The following USP7 variants were observed in gnomAD, a reference collection of about 807,000 sequenced individuals.
The protein encoded by USP7 is ubiquitin C-terminal hydrolase 7.
A neutral mutation model predicts 162.9 loss-of-function variants in USP7; 9 were observed. That is an observed-to-expected ratio of 0.06 (90% CI 0.03 to 0.10). The LOEUF (loss-of-function observed/expected upper bound fraction) is 0.10. Among genes scored for constraint, USP7 ranks in the 10% least tolerant of loss-of-function variants. The pLI, the probability that USP7 is intolerant of heterozygous loss-of-function variation, is 1.00. For synonymous variants in USP7, 562 were observed against 475.9 expected (o/e 1.18, Z -2.35); for missense variants, 715 against 1,373.7 (o/e 0.52, Z 7.58).
chr16:8,897,726 A>ATATATATATATAT (rs61280114), intron 25 of USP7, among the ~76,000 whole-genome samples: 3 of 7,138 alleles, frequency 4.2e-4, no homozygotes. Flanking sequence ...AAAAAAAAAA[A>ATATATATATATAT]ATATATATAT....
intron 16 of USP7, among the ~76,000 whole-genome samples, chr16:8,902,820 G>T (rs933881499): frequency 1.3e-5 from 2 of 152,112 alleles, no homozygotes; most frequent in African/African-American, 4.8e-5. Context: ...ACCAAAAGGC[G>T]GAGGTTGCAG....
chr16:8,896,822 A>T lies in USP7; in HGVS notation c.2819+177T>A, dbSNP rs1195876252. Among the ~76,000 whole-genome samples, 5 of 152,144 alleles carry T rather than the reference A, an allele frequency of 3.3e-5. No homozygotes were observed. In the East Asian group the frequency reaches 9.6e-4, roughly 29 times the overall value. ...CTGAGACTTGAAAAACTGGAGCAAC[A>T]CTGGGTCTGTGTTGAGCTTCTGTGC... On this transcript the variant is annotated intron_variant, in intron 26 of 30. Coordinates refer to ENST00000344836, the MANE Select transcript of USP7 (RefSeq NM_003470.3).
intron 1 of USP7, among the ~76,000 whole-genome samples, chr16:8,953,510 T>C (rs1369611534): frequency 1.3e-5 from 2 of 151,220 alleles, no homozygotes; most frequent in African/African-American, 4.9e-5. Context: ...ACGTGCCCCA[T>C]GCGGTGCCAC....
intron 10 of USP7, among the ~76,000 whole-genome samples, chr16:8,913,181 C>T (rs1402340528): frequency 6.6e-6 from 1 of 152,196 alleles, no homozygotes; most frequent in Non-Finnish European, 1.5e-5. Context: ...CATGGTGAAA[C>T]CTCGTCTCTA....
chr16:8,952,816 C>G (rs1232488283), intron 1 of USP7, among the ~76,000 whole-genome samples: 1 of 151,926 alleles, frequency 6.6e-6, no homozygotes, highest in Non-Finnish European at 1.5e-5. Flanking sequence ...TATTCCACCC[C>G]TCCCGCCTGT....
At position 8,892,150 on chromosome 16, in the gene USP7, C is replaced by T. The variant is rs1307229638; in HGVS notation, c.*1848G>A. On this transcript the variant is annotated 3_prime_UTR_variant, in exon 31 of 31. Transcript: ENST00000344836. ...AGGGAGAGTAGGAACTTTCAGTTAC[C>T]TAAGACTACAGCCAACCCCCAGCCC... is the stretch of plus-strand genomic sequence containing the variant. 2.6e-5 allele frequency: 4 copies of T among 152,244 alleles called. No individual in the cohort carries two copies. The highest frequency in any genetic ancestry group is 4.4e-5 in the Non-Finnish European group (3 of 68,026). 9.4% of individuals were successfully genotyped at this position (152,244 alleles called of 1,614,324 possible).
chr16:8,920,787 T>C (rs546997393), intron 4 of USP7, among the ~76,000 whole-genome samples: 40 of 152,140 alleles, frequency 2.6e-4, no homozygotes, highest in Non-Finnish European at 4.0e-4. Flanking sequence ...ATTCCTAAGA[T>C]TGTTCCACTG....
At position 8,906,477 on chromosome 16, in the gene USP7, A is replaced by G; in HGVS notation, c.1377T>C (p.Asp459=). The G allele has an allele frequency of 6.2e-7, 1 of 1,612,642 alleles. No homozygotes were observed. The highest frequency in any genetic ancestry group is 1.3e-5 in the African/African-American group (1 of 75,028). ...ILHAVLVHSG[D]NHGGHYVVYL... ...AAACCACATAATGTCCACCATGATT[A>G]TCTCCACTATGAACCAGGACTGCAT... The change falls in exon 13 of 31, where the codon GAT becomes GAC. Residue 459 remains aspartate (D), a synonymous_variant. Transcript: ENST00000344836.
chr16:8,899,533 C>G, intron 22 of USP7, 71 bp downstream of exon 22: 1 of 1,573,280 alleles, frequency 6.4e-7, no homozygotes, highest in Non-Finnish European at 8.7e-7. Context: ...GCTTCTTCAA[C>G]AAGCATTTTA....
At chr16:8,961,319 C>T (rs532614346) in intron 1 of USP7, among the ~76,000 whole-genome samples, 1 of 151,948 alleles carries the variant, frequency 6.6e-6, no homozygotes, top group African/African-American at 2.4e-5. Flanking sequence ...ATGGAGAAAC[C>T]CCGTCTCTAA....
intron 1 of USP7, among the ~76,000 whole-genome samples, chr16:8,946,543 G>A (rs9932027): frequency 6.6e-6 from 1 of 152,058 alleles, no homozygotes; most frequent in African/African-American, 2.4e-5. Context: ...ATCTTACAAA[G>A]ACTCAAATCT....
intron 13 of USP7, 119 bp downstream of exon 13, chr16:8,906,307 A>C: frequency 8.7e-7 from 1 of 1,155,338 alleles, no homozygotes; most frequent in South Asian, 1.8e-5. Context: ...CAGCCAGAGA[A>C]TACATAGATC....
intron 1 of USP7, among the ~76,000 whole-genome samples, chr16:8,953,084 T>C (rs1220776587): frequency 1.3e-5 from 2 of 152,240 alleles, no homozygotes; most frequent in East Asian, 3.9e-4. Context: ...ATCTGTCGCC[T>C]TGGCCTCCCG....
rs2061932026 is a variant in USP7 at position 8,910,655 on chromosome 16, G to C, written c.1161+90C>G. ...TCTAAATACCAGAAACACATGAAAA[G>C]GCACAAGCAAATTTTTATTTAGCAA... On this transcript the variant is annotated intron_variant, in intron 11 of 30. Transcript: ENST00000344836. The C allele has an allele frequency of 5.0e-6, 6 of 1,199,660 alleles. No individual in the cohort carries two copies. In the East Asian group the frequency reaches 1.4e-4, roughly 29 times the overall value. 74.3% of individuals were successfully genotyped at this position (1,199,660 alleles called of 1,614,324 possible). A position where few individuals can be genotyped will look rare whatever the true frequency, so the allele number is the denominator to read the frequency against.
chr16:8,955,591 G>C (rs771315377), intron 1 of USP7, among the ~76,000 whole-genome samples: 1 of 151,044 alleles, frequency 6.6e-6, no homozygotes, highest in Admixed American at 6.6e-5. Flanking sequence ...CTGTAGTCCT[G>C]GCTACTTGGG....
chr16:8,901,001 T>C lies in USP7; in HGVS notation c.2197A>G (p.Ile733Val). The stretch of plus-strand genomic sequence containing the variant: ...TAAACCATCCAAACCTCATAGAGGA[T>C]AAGGCTAGTATCTTGAATAAATCCT... ...RAGFIQDTSL[I>V]LYEEVKPNLT... The change falls in exon 20 of 31, where the codon ATC becomes GTC. Residue 733 changes from isoleucine to valine, a missense_variant. Physicochemically the swap from Ile to Val is conservative, Grantham distance 29. Around this residue, in one of 11 missense-constraint regions of USP7, gnomAD observed 2 missense variants for 16.1 expected, o/e 0.12. Coordinates refer to ENST00000344836, the MANE Select transcript of USP7 (RefSeq NM_003470.3). The C allele has an allele frequency of 6.2e-7, 1 of 1,614,032 alleles. No individual in the cohort carries two copies. The highest frequency in any genetic ancestry group is 8.5e-7 in the Non-Finnish European group (1 of 1,179,974).
At chr16:8,906,299 G>T (rs999612933) in intron 13 of USP7, 127 bp downstream of exon 13, 10 of 1,054,306 alleles carry the variant, frequency 9.5e-6, no homozygotes, top group Middle Eastern at 6.6e-4. Context: ...GCATTTAGCA[G>T]CCAGAGAATA....
At chr16:8,943,796 C>G (rs929452836) in intron 1 of USP7, among the ~76,000 whole-genome samples, 3 of 152,162 alleles carry the variant, frequency 2.0e-5, no homozygotes, top group Admixed American at 1.3e-4. Flanking sequence ...AACCCATTCC[C>G]CAAGAAAATG....
chr16:8,931,471 G>A (rs1898334876), intron 1 of USP7, among the ~76,000 whole-genome samples: 1 of 152,184 alleles, frequency 6.6e-6, no homozygotes, highest in Non-Finnish European at 1.5e-5. Context: ...ACCCACCCAT[G>A]CCAGTGTCTT....
Sources: gnomAD v4.1 joint callset for allele counts (sites outside exome capture counted in the v4.1 genomes callset) on GRCh38, gnomAD v4.1.1 for gene constraint, gnomAD v4.1.1 regional missense constraint, MANE v1.5 for transcripts, NCBI Gene and HGNC (gene_info 2026-07-23, HGNC 2026-07-21) for gene names.